Variants in CACNA1C observed in about 807,000 individuals in gnomAD.
CACNA1C encodes voltage-dependent L-type calcium channel subunit alpha-1C.
CACNA1C carries 30 observed loss-of-function variants against 229.0 expected under a neutral mutation model. The observed-to-expected ratio is 0.13, with a 90% CI of 0.10 to 0.18. The LOEUF is 0.18. CACNA1C is among the 10% of genes least tolerant of loss of function. The pLI is 1.00. For missense variants in CACNA1C, 1,658 were observed against 2,845.0 expected (o/e 0.58, Z 9.49); for synonymous variants, 1,114 against 1,132.5 (o/e 0.98, Z 0.33).
At chr12:2,580,446 TG>T (rs1255990008) in intron 13 of CACNA1C, among the ~76,000 whole-genome samples, 1 of 152,180 alleles carries the variant, frequency 6.6e-6, no homozygotes, top group African/African-American at 2.4e-5. Flanking sequence ...CTGTCTGGAT[TG>T]GTGATGAGCT....
At position 2,476,137 on chromosome 12, in the gene CACNA1C, G is replaced by A. The variant is rs554733833; in HGVS notation, c.758-9967G>A. On this transcript the variant is annotated intron_variant, in intron 5 of 46. Coordinates refer to ENST00000399655, the MANE Select transcript of CACNA1C (RefSeq NM_000719.7). Reference sequence around the variant, plus strand: ...TTGCCACCAATAGGGAGGCAGCACAGAGGGACGGCCATCGTGATGCAATCA... The same window carrying A: ...TTGCCACCAATAGGGAGGCAGCACAAAGGGACGGCCATCGTGATGCAATCA... 5.3e-5 allele frequency among the ~76,000 whole-genome samples: 8 copies of A among 152,346 alleles called. No homozygotes were observed. The East Asian group carries it at 1.5e-3, about 29-fold the overall frequency.
At chr12:2,559,681 A>G (rs2154592777) in intron 11 of CACNA1C, among the ~76,000 whole-genome samples, 1 of 152,346 alleles carries the variant, frequency 6.6e-6, no homozygotes, top group South Asian at 2.1e-4. Flanking sequence ...ACAGGGCTCT[A>G]GTATGGCTGA....
intron 3 of CACNA1C, among the ~76,000 whole-genome samples, chr12:2,188,993 T>C (rs1327489129): frequency 1.4e-5 from 2 of 146,634 alleles, no homozygotes; most frequent in African/African-American, 5.1e-5. Flanking sequence ...CTTGGGAGGC[T>C]GAGGCAGGAG....
intron 5 of CACNA1C, among the ~76,000 whole-genome samples, chr12:2,477,760 C>G (rs1194512475): frequency 6.6e-6 from 1 of 152,200 alleles, no homozygotes; most frequent in African/African-American, 2.4e-5. Context: ...TCTGTAACCA[C>G]TCTTTCCACT....
At chr12:1,990,987 A>AG (rs1037016016) in intron 1 of CACNA1C, 12 of 336,108 alleles carry the variant, frequency 3.6e-5, no homozygotes, top group Non-Finnish European at 6.4e-5. Context: ...GAAAGGACAA[A>AG]AAAAAAAAAA....
At chr12:2,212,603 T>C (rs2097958047) in intron 3 of CACNA1C, among the ~76,000 whole-genome samples, 1 of 152,182 alleles carries the variant, frequency 6.6e-6, no homozygotes, top group South Asian at 2.1e-4. Flanking sequence ...TTTAGAAAGG[T>C]ATGTATTTTA....
intron 9 of CACNA1C, among the ~76,000 whole-genome samples, chr12:2,514,735 C>T (rs1163539313): frequency 4.6e-5 from 7 of 152,142 alleles, no homozygotes; most frequent in Admixed American, 1.3e-4. Context: ...AGCCACTACA[C>T]GCTTAGCAGC....
In CACNA1C at chr12:2,319,504, T is replaced by C. The variant is rs1168406687; in HGVS notation, c.478-129472T>C. 6.6e-6 allele frequency among the ~76,000 whole-genome samples: 1 copy of C among 152,006 alleles called. No homozygotes were observed. The highest frequency in any genetic ancestry group is 1.5e-5 in the Non-Finnish European group (1 of 67,974). On this transcript the variant is annotated intron_variant, in intron 3 of 46. Coordinates refer to ENST00000399655, the MANE Select transcript of CACNA1C (RefSeq NM_000719.7). This position sits in a 1 kb window ranked among gnomAD's most constrained non-coding sequence, Gnocchi z 4.0. The stretch of plus-strand genomic sequence containing the variant: ...GGCCCCAGGCCCCTGACACCCTGGC[T>C]CCGAACCCCCAGCAGCCAGCGGGTG...
rs566949790 is a variant in CACNA1C, at chr12:2,647,756, G to A, written c.3913-719G>A. Among the ~76,000 whole-genome samples the A allele has an allele frequency of 1.3e-5, 2 of 152,322 alleles. No individual in the cohort carries two copies. Among genetic ancestry groups the A allele is most frequent in the Admixed American group, 1.3e-4 (2 of 15,302 alleles). On this transcript the variant is annotated intron_variant, in intron 30 of 46. Coordinates refer to ENST00000399655, the MANE Select transcript of CACNA1C (RefSeq NM_000719.7). This position sits in a 1 kb window ranked among gnomAD's most constrained non-coding sequence, Gnocchi z 4.2. ...GGGTCAGCAAGGCCTCTGTCCTTCA[G>A]CTGGCCCTGCCTGGGGTAAGCTAAA...
intron 34 of CACNA1C, among the ~76,000 whole-genome samples, chr12:2,662,959 A>T (rs2153699684): frequency 6.6e-6 from 1 of 152,350 alleles, no homozygotes; most frequent in South Asian, 2.1e-4. Context: ...GCATATTTCT[A>T]CCTCATATCA....
intron 1 of CACNA1C, among the ~76,000 whole-genome samples, chr12:2,074,074 A>G (rs1416569590): frequency 6.6e-6 from 1 of 152,218 alleles, no homozygotes; most frequent in African/African-American, 2.4e-5. Flanking sequence ...GTTGTATTTT[A>G]TACAGCAAGT....
At chr12:2,003,269 C>T (rs1274330476) in intron 1 of CACNA1C, among the ~76,000 whole-genome samples, 5 of 152,172 alleles carry the variant, frequency 3.3e-5, no homozygotes, top group Non-Finnish European at 5.9e-5. Context: ...AGTTGTTCAA[C>T]ATGGATGTTT....
chr12:2,533,786 C>A (rs1027962372), intron 9 of CACNA1C, among the ~76,000 whole-genome samples: 1 of 152,160 alleles, frequency 6.6e-6, no homozygotes, highest in Admixed American at 6.5e-5. Context: ...GCCTGCGTCC[C>A]TGTCCCGGTT....
chr12:2,177,587 C>CCCTCCCTCCCTCCCT (rs750852324), intron 3 of CACNA1C, among the ~76,000 whole-genome samples: 32 of 78,524 alleles, frequency 4.1e-4, no homozygotes, highest in Admixed American at 4.1e-4. Context: ...CTCCCTCCCT[C>CCCTCCCTCCCTCCCT]CCTTCCTTCC....
rs2094762014 is a variant in CACNA1C, at chr12:2,303,656, G to A, written c.478-145320G>A. ...CTCTAAATACCATCACACATTCTGAGGTGCTAGGGGTGAGGGCTTTCGCAC... is the reference window on the plus strand; with the variant it reads ...CTCTAAATACCATCACACATTCTGAAGTGCTAGGGGTGAGGGCTTTCGCAC... On this transcript the variant is annotated intron_variant, in intron 3 of 46. Coordinates refer to ENST00000399655, the MANE Select transcript of CACNA1C (RefSeq NM_000719.7). 5.9e-5 allele frequency among the ~76,000 whole-genome samples: 9 copies of A among 152,308 alleles called. No homozygotes were observed. The South Asian group carries it at 1.9e-3, about 32-fold the overall frequency.
intron 5 of CACNA1C, among the ~76,000 whole-genome samples, chr12:2,465,839 C>G (rs938371733): frequency 1.1e-4 from 16 of 152,146 alleles, no homozygotes; most frequent in African/African-American, 2.9e-4. Flanking sequence ...TGTCACCGCT[C>G]TCTCCCACCC....
chr12:2,666,474 T>C lies in CACNA1C; in HGVS notation c.4527-212T>C, dbSNP rs183966935. On this transcript the variant is annotated intron_variant, in intron 36 of 46. Transcript: ENST00000399655. This position sits in a 1 kb window ranked among gnomAD's most constrained non-coding sequence, Gnocchi z 5.3. ...TGAACATAGCATGGGCAGAAAATGATTCATTAAAATCTAAACACGTGTATA... is the reference window on the plus strand; with the variant it reads ...TGAACATAGCATGGGCAGAAAATGACTCATTAAAATCTAAACACGTGTATA... The C allele has an allele frequency of 2.7e-5, 12 of 447,872 alleles. No individual in the cohort carries two copies. In the East Asian group the frequency reaches 4.0e-4, roughly 15 times the overall value. 27.7% of individuals were successfully genotyped at this position (447,872 alleles called of 1,614,324 possible). A position where few individuals can be genotyped will look rare whatever the true frequency, so the allele number is the denominator to read the frequency against.
chr12:2,138,232 C>G (rs1194085826), intron 3 of CACNA1C, among the ~76,000 whole-genome samples: 2 of 151,248 alleles, frequency 1.3e-5, no homozygotes, highest in African/African-American at 4.8e-5. Context: ...GCCAGGATAT[C>G]CAGGAGGAGA....
At chr12:2,136,302 G>A (rs557815078) in intron 3 of CACNA1C, among the ~76,000 whole-genome samples, 6 of 151,300 alleles carry the variant, frequency 4.0e-5, no homozygotes, top group South Asian at 2.1e-4. Context: ...GTTCCTATTC[G>A]GCCATCTTGG....
Sources: allele counts gnomAD v4.1 joint callset (sites outside exome capture counted in the v4.1 genomes callset), GRCh38; gene constraint gnomAD v4.1.1; non-coding constraint Gnocchi (gnomAD v3.1); transcripts MANE v1.5; gene names NCBI Gene and HGNC (gene_info 2026-07-23, HGNC 2026-07-21).